SLIT2: variants seen among roughly 807,000 people sequenced by gnomAD.
The protein encoded by SLIT2 is slit homolog 2 protein.
In SLIT2, 41 loss-of-function variants were observed where a neutral mutation model predicts 185.7. The observed-to-expected ratio is 0.22, with a 90% CI of 0.17 to 0.29. SLIT2 has a LOEUF of 0.29. Ranked by LOEUF, SLIT2 falls within the 10% of genes least tolerant of loss-of-function variation. SLIT2 has a pLI of 1.00. For synonymous variants in SLIT2, 693 were observed against 680.2 expected (o/e 1.02, Z -0.29); for missense variants, 1,571 against 1,909.0 (o/e 0.82, Z 3.30).
At chr4:20,556,689 G>A (rs1053987424) in intron 26 of SLIT2, among the ~76,000 whole-genome samples, 4 of 151,920 alleles carry the variant, frequency 2.6e-5, no homozygotes, top group Non-Finnish European at 5.9e-5. Context: ...GAAAGAAAGA[G>A]TCTCATATCT....
intron 4 of SLIT2, among the ~76,000 whole-genome samples, chr4:20,387,944 T>C (rs1247642138): frequency 1.3e-5 from 2 of 152,118 alleles, no homozygotes; most frequent in South Asian, 2.1e-4. Flanking sequence ...GCAAGCAATG[T>C]ATAATAATTT....
chr4:20,312,924 C>T (rs1718253215), intron 4 of SLIT2, among the ~76,000 whole-genome samples: 1 of 151,860 alleles, frequency 6.6e-6, no homozygotes, highest in Non-Finnish European at 1.5e-5. Flanking sequence ...GGAATTTTGT[C>T]TATAAGAAAT....
rs1729979016 is a variant in SLIT2, at chr4:20,620,208, CTT to C, written c.*1204_*1205del. 3.2e-6 allele frequency: 1 copy of C among 316,800 alleles called. No individual in the cohort carries two copies. Among genetic ancestry groups the C allele is most frequent in the Non-Finnish European group, 6.1e-6 (1 of 164,470 alleles). The allele number at this position is 316,800 out of a possible 1,614,324, so 19.6% of individuals were successfully genotyped here. On this transcript the variant is annotated 3_prime_UTR_variant, in exon 37 of 37. Transcript: ENST00000504154. ...TTTTGCAAATTAATATGTCCTTGAC[CTT>C]TTTTGCCCTTTTGTGGGGGTGAGGT...
chr4:20,614,682 C>A (rs971459299), intron 34 of SLIT2, among the ~76,000 whole-genome samples: 5 of 150,908 alleles, frequency 3.3e-5, no homozygotes, highest in Non-Finnish European at 7.4e-5. Flanking sequence ...GAGGCTGAAG[C>A]AGGAGAATCG....
chr4:20,258,713 G>T, intron 3 of SLIT2, among the ~76,000 whole-genome samples: 1 of 151,646 alleles, frequency 6.6e-6, no homozygotes, highest in East Asian at 1.9e-4. Flanking sequence ...TGTAATTGAA[G>T]TACGAATTGT....
chr4:20,435,518 T>C (rs1285111466), intron 4 of SLIT2, among the ~76,000 whole-genome samples: 1 of 152,136 alleles, frequency 6.6e-6, no homozygotes, highest in African/African-American at 2.4e-5. Context: ...TGTAAGATTT[T>C]AGAGAAGGGA....
At chr4:20,470,172 T>C (rs1714828890) in intron 5 of SLIT2, among the ~76,000 whole-genome samples, 1 of 152,112 alleles carries the variant, frequency 6.6e-6, no homozygotes, top group African/African-American at 2.4e-5. Flanking sequence ...CAGTATTTCA[T>C]TTGCAAGTAT....
At chr4:20,341,616 G>GT (rs1215986338) in intron 4 of SLIT2, among the ~76,000 whole-genome samples, 5 of 152,212 alleles carry the variant, frequency 3.3e-5, no homozygotes, top group African/African-American at 9.7e-5. Flanking sequence ...AGAAGTAATT[G>GT]TATCTAGGGG....
At position 20,539,523 on chromosome 4, in the gene SLIT2, G is replaced by T; in HGVS notation, c.1915G>T (p.Asp639Tyr). The change falls in exon 19 of 37, where the codon GAT (aspartate) becomes TAT (tyrosine). Residue 639 changes from aspartate (D) to tyrosine (Y), a missense_variant. Physicochemically the swap from Asp to Tyr is radical, Grantham distance 160. Around this residue, in one of 3 missense-constraint regions of SLIT2, gnomAD observed 1,202 missense variants for 1,416.4 expected, o/e 0.85. Transcript: ENST00000504154. ...LSSVRLLSLY[D>Y]NQITTVAPGA... is the part of the protein sequence containing the mutation. Reference sequence around the variant, plus strand: ...TTCTGTGCGTTTGCTTTCTTTGTATGATAATCAAATTACTACAGTTGCACC... The same window carrying T: ...TTCTGTGCGTTTGCTTTCTTTGTATTATAATCAAATTACTACAGTTGCACC... 6.2e-7 allele frequency: 1 copy of T among 1,612,436 alleles called. No homozygotes were observed. The highest frequency in any genetic ancestry group is 8.5e-7 in the Non-Finnish European group (1 of 1,178,668).
At chr4:20,511,262 T>C (rs78391293) in intron 11 of SLIT2, 125 bp downstream of exon 11, 2 of 570,476 alleles carry the variant, frequency 3.5e-6, no homozygotes, top group East Asian at 5.6e-5. Context: ...TTAATAATGT[T>C]AATTATTATT....
Position 20,596,596 on chromosome 4 carries a change from G to C in SLIT2, c.3502G>C (p.Glu1168Gln). The change falls in exon 32 of 37, where the codon GAG (glutamate) becomes CAG (glutamine). Residue 1168 changes from glutamate to glutamine, a missense_variant. By Grantham distance (29) the Glu-to-Gln change is conservative (BLOSUM62 2). Around this residue, in one of 3 missense-constraint regions of SLIT2, gnomAD observed 146 missense variants for 247.4 expected, o/e 0.59. Coordinates refer to ENST00000504154, the MANE Select transcript of SLIT2 (RefSeq NM_004787.4). ...GGTTAGTGTGAATTTTATAAACAAA[G>C]AGTCTTATCTTCAGATTCCTTCAGC... ...KLVSVNFINK[E>Q]SYLQIPSAKV... The C allele has an allele frequency of 6.2e-7, 1 of 1,613,894 alleles. No homozygotes were observed. Among genetic ancestry groups the C allele is most frequent in the African/African-American group, 1.3e-5 (1 of 75,024 alleles).
intron 26 of SLIT2, among the ~76,000 whole-genome samples, chr4:20,566,003 T>C (rs1725060823): frequency 6.6e-6 from 1 of 152,038 alleles, no homozygotes; most frequent in African/African-American, 2.4e-5. Flanking sequence ...TCATGTTCTC[T>C]TACATACATG....
chr4:20,597,351 A>G (rs868628465), intron 32 of SLIT2, among the ~76,000 whole-genome samples: 1 of 152,106 alleles, frequency 6.6e-6, no homozygotes, highest in African/African-American at 2.4e-5. Flanking sequence ...TACAGGCGTG[A>G]GCCACTGCGC....
At chr4:20,572,759 ATGACACAGT>A (rs1366320833) in intron 29 of SLIT2, among the ~76,000 whole-genome samples, 1 of 152,232 alleles carries the variant, frequency 6.6e-6, no homozygotes, top group East Asian at 1.9e-4. Context: ...ACATACAAGT[ATGACACAGT>A]TGATCACATT....
chr4:20,602,529 T>G (rs1728487888), intron 33 of SLIT2, among the ~76,000 whole-genome samples: 1 of 152,162 alleles, frequency 6.6e-6, no homozygotes, highest in African/African-American at 2.4e-5. Context: ...AATGGTTGTT[T>G]CCAAAAGTCT....
chr4:20,510,370 C>T lies in SLIT2; in HGVS notation c.915-125C>T, dbSNP rs545840156. 1.2e-4 allele frequency: 81 copies of T among 704,038 alleles called. 1 individual carries two copies. The highest frequency in any genetic ancestry group is 1.1e-4 in the Non-Finnish European group (42 of 397,926). The allele number at this position is 704,038 out of a possible 1,614,324, so 43.6% of individuals were successfully genotyped here. ...AAAATTAAATTTAGTACTTATTTTT[C>T]AGGAAAAAAATATATCACTCATGAA... On this transcript the variant is annotated intron_variant, in intron 9 of 36. Transcript: ENST00000504154.
At chr4:20,403,045 A>G (rs1371574098) in intron 4 of SLIT2, among the ~76,000 whole-genome samples, 3 of 151,880 alleles carry the variant, frequency 2.0e-5, no homozygotes, top group East Asian at 3.9e-4. Context: ...TTGGTTAAAC[A>G]AATACATGTT....
At chr4:20,547,846 T>C (rs1380069231) in intron 22 of SLIT2, among the ~76,000 whole-genome samples, 1 of 152,052 alleles carries the variant, frequency 6.6e-6, no homozygotes, top group East Asian at 1.9e-4. Flanking sequence ...TTAACATTGG[T>C]AAAAATTCAA....
Position 20,533,631 on chromosome 4 carries a change from G to A in SLIT2, c.1748G>A (p.Gly583Asp). 1.2e-6 allele frequency: 2 copies of A among 1,611,396 alleles called. No homozygotes were observed. Among genetic ancestry groups the A allele is most frequent in the Non-Finnish European group, 1.7e-6 (2 of 1,177,504 alleles). ...IEEGAFEGAS[G>D]VNEILLTSNR... ...GAGGGAGCATTTGAAGGAGCATCTG[G>A]TGTAAATGAAATACTTCTTACGAGT... Residue 583 changes from glycine to aspartate, a missense_variant, in exon 18 of 37, where the codon GGT becomes GAT. Gly to Asp is a moderately conservative substitution (Grantham distance 94). Coordinates refer to ENST00000504154, the MANE Select transcript of SLIT2 (RefSeq NM_004787.4).
Sources: allele counts gnomAD v4.1 joint callset (sites outside exome capture counted in the v4.1 genomes callset), GRCh38; gene constraint gnomAD v4.1.1; regional missense constraint gnomAD v4.1.1; transcripts MANE v1.5; gene names NCBI Gene and HGNC (gene_info 2026-07-23, HGNC 2026-07-21).